Variants in LRP2 observed in about 807,000 individuals in gnomAD.
LRP2 encodes low-density lipoprotein receptor-related protein 2.
A neutral mutation model predicts 531.0 loss-of-function variants in LRP2; 172 were observed. The ratio of observed to expected loss-of-function variants is 0.32; its 90% CI spans 0.29 to 0.37. The LOEUF is 0.37. LRP2 is among the 10% of genes least tolerant of loss of function. LRP2 has a pLI of 1.00. For missense variants in LRP2, 5,167 were observed against 5,868.3 expected, an observed-to-expected ratio of 0.88 and a Z score of 3.90; for synonymous variants, 1,992 against 2,027.6, an observed-to-expected ratio of 0.98 and a Z score of 0.47.
chr2:169,171,422 T>C (rs192839488), intron 58 of LRP2, among the ~76,000 whole-genome samples: 21 of 152,344 alleles, frequency 1.4e-4, no homozygotes, highest in Admixed American at 1.3e-3. Context: ...CTCAGCCTCT[T>C]GGCTTCCTTT....
Position 169,225,195 on chromosome 2 carries a change from C to T in LRP2, c.5538+115G>A, listed in dbSNP as rs1689157543. On this transcript the variant is annotated intron_variant, in intron 33 of 78. Transcript: ENST00000649046. ...GATAGTTAACACTAATATCTTTTCC[C>T]TTTTTCTTTTTGCTTAAAAATGATT... is the stretch of plus-strand genomic sequence containing the variant. The T allele has an allele frequency of 4.5e-6, 5 of 1,108,106 alleles. No individual in the cohort carries two copies. The Admixed American group carries it at 5.7e-5, about 13-fold the overall frequency. The allele number at this position is 1,108,106 out of a possible 1,614,324, so 68.6% of individuals were successfully genotyped here. A position where few individuals can be genotyped will look rare whatever the true frequency, so the allele number is the denominator to read the frequency against.
rs191585774 is a variant in LRP2 at position 169,163,820 on chromosome 2, C to T, written c.11759-1220G>A. Among the ~76,000 whole-genome samples, 400 of 152,274 alleles carry T rather than the reference C, an allele frequency of 2.6e-3. 1 individual carries two copies. Among genetic ancestry groups the T allele is most frequent in the Non-Finnish European group, 4.5e-3 (305 of 68,024 alleles). On this transcript the variant is annotated intron_variant, in intron 62 of 78. Transcript: ENST00000649046. Reference sequence around the variant, plus strand: ...CCTAATGGTAGCATATTTCCCTTTCCCTCTTCATTTGCAGAGGAAAATAGA... The same window carrying T: ...CCTAATGGTAGCATATTTCCCTTTCTCTCTTCATTTGCAGAGGAAAATAGA...
At chr2:169,142,815 C>A in intron 70 of LRP2, 22 bp from the exon 71 acceptor site, 1 of 1,613,286 alleles carries the variant, frequency 6.2e-7, no homozygotes, top group Non-Finnish European at 8.5e-7. Flanking sequence ...GTGAGAACAG[C>A]AGTTAGGTCC....
At chr2:169,173,362 T>C in intron 56 of LRP2, 138 bp from the exon 57 acceptor site, 1 of 1,004,236 alleles carries the variant, frequency 1.0e-6, no homozygotes, top group Non-Finnish European at 1.5e-6. Context: ...ATGTGTCTGT[T>C]TTAGATGTGA....
At position 169,209,553 on chromosome 2, in the gene LRP2, C is replaced by T. The variant is rs777517562; in HGVS notation, c.6369G>A (p.Ala2123=). The change falls in exon 38 of 79, where the codon GCG becomes GCA. Residue 2123 remains alanine (A), a synonymous_variant. Coordinates refer to ENST00000649046, the MANE Select transcript of LRP2 (RefSeq NM_004525.3). ...ATCCATCTGGTTTAATTCTACGGAT[C>T]GCATTATCAGATGCCACTGAGCTGC... is the stretch of plus-strand genomic sequence containing the variant. ...DFSSSVASDN[A]IRRIKPDGSS... 7.4e-6 allele frequency: 12 copies of T among 1,613,936 alleles called. No individual in the cohort carries two copies. Among genetic ancestry groups the T allele is most frequent in the Admixed American group, 5.0e-5 (3 of 59,986 alleles).
At position 169,128,449 on chromosome 2, in the gene LRP2, T is replaced by G; in HGVS notation, c.*214A>C. ...TAGTATTACCTTCAGACAACTTCAGTGCAAAGATATACATATAGTACATTG... is the reference window on the plus strand; with the variant it reads ...TAGTATTACCTTCAGACAACTTCAGGGCAAAGATATACATATAGTACATTG... On this transcript the variant is annotated 3_prime_UTR_variant, in exon 79 of 79. Transcript: ENST00000649046. 2.0e-6 allele frequency: 1 copy of G among 507,242 alleles called. No homozygotes were observed. The highest frequency in any genetic ancestry group is 3.5e-6 in the Non-Finnish European group (1 of 283,662). 31.4% of individuals were successfully genotyped at this position (507,242 alleles called of 1,614,324 possible).
chr2:169,199,733 T>C (rs960492061), intron 44 of LRP2, among the ~76,000 whole-genome samples: 1 of 152,178 alleles, frequency 6.6e-6, no homozygotes, highest in Non-Finnish European at 1.5e-5. Flanking sequence ...TGGGACATAA[T>C]CTAAAAAGCA....
chr2:169,241,112 A>C lies in LRP2; in HGVS notation c.3921T>G (p.Thr1307=). Residue 1307 remains threonine (T), a synonymous_variant, in exon 25 of 79, where the codon ACT becomes ACG. Coordinates refer to ENST00000649046, the MANE Select transcript of LRP2 (RefSeq NM_004525.3). ...GDMSDEKDCP[T]QPFRCPSWQW... The stretch of plus-strand genomic sequence containing the variant: ...GCCAACTAGGACAGCGAAAGGGCTG[A>C]GTAGGGCAGTCCTTCTCATCACTCA... The C allele has an allele frequency of 6.2e-7, 1 of 1,614,016 alleles. No individual in the cohort carries two copies. The highest frequency in any genetic ancestry group is 8.5e-7 in the Non-Finnish European group (1 of 1,179,938).
chr2:169,176,265 C>A, intron 54 of LRP2, 146 bp downstream of exon 54: 1 of 841,298 alleles, frequency 1.2e-6, no homozygotes, highest in Non-Finnish European at 2.0e-6. Flanking sequence ...AAGTTGGAGG[C>A]TGAGAGTCTT....
chr2:169,158,842 A>G (rs1686457429), intron 63 of LRP2, among the ~76,000 whole-genome samples: 1 of 121,182 alleles, frequency 8.3e-6, no homozygotes, highest in African/African-American at 3.0e-5. Flanking sequence ...TTGAACTTTC[A>G]CAGTAAAAAA....
intron 68 of LRP2, among the ~76,000 whole-genome samples, chr2:169,149,959 G>A (rs1308504280): frequency 6.6e-6 from 1 of 152,054 alleles, no homozygotes; most frequent in African/African-American, 2.4e-5. Flanking sequence ...CGGCACACTG[G>A]AAACAGTCAC....
chr2:169,288,874 A>T, intron 9 of LRP2, 152 bp downstream of exon 9: 1 of 1,219,324 alleles, frequency 8.2e-7, no homozygotes, highest in Non-Finnish European at 1.2e-6. Context: ...AAAATTCCCT[A>T]TTTGCCAGGT....
At chr2:169,255,877 C>T (rs1014584498) in intron 19 of LRP2, among the ~76,000 whole-genome samples, 14 of 152,142 alleles carry the variant, frequency 9.2e-5, no homozygotes, top group Admixed American at 7.9e-4. Flanking sequence ...TACCCATATA[C>T]ACTGTCAACA....
At chr2:169,209,426 A>T (rs537221351) in intron 38 of LRP2, 27 bp downstream of exon 38, 1 of 1,607,806 alleles carries the variant, frequency 6.2e-7, no homozygotes, top group East Asian at 2.2e-5. Context: ...ATGCAAACAT[A>T]TTAAAATCAC....
At position 169,275,095 on chromosome 2, in the gene LRP2, T is replaced by C; in HGVS notation, c.1916A>G (p.Tyr639Cys). The part of the protein sequence containing the change: ...KFTETNPQVY[Y>C]QASLRPYGVT... Reference sequence around the variant, plus strand: ...TCCATAGGGCCTCAGGGAAGCCTGGTAGTACACTTGTGGGTTGGTCTCTGT... The same window carrying C: ...TCCATAGGGCCTCAGGGAAGCCTGGCAGTACACTTGTGGGTTGGTCTCTGT... The change falls in exon 14 of 79, where the codon TAC (tyrosine) becomes TGC (cysteine). Residue 639 changes from tyrosine (Y) to cysteine (C), a missense_variant. Transcript: ENST00000649046. 1 of 1,613,802 alleles carries C rather than the reference T, an allele frequency of 6.2e-7. No homozygotes were observed. The highest frequency in any genetic ancestry group is 8.5e-7 in the Non-Finnish European group (1 of 1,179,850).
intron 64 of LRP2, among the ~76,000 whole-genome samples, chr2:169,156,651 C>A (rs572136509): frequency 6.6e-6 from 1 of 152,290 alleles, no homozygotes; most frequent in South Asian, 2.1e-4. Context: ...CCCACAGTCC[C>A]AAAGCTGATA....
chr2:169,223,552 C>A (rs1467934140), intron 33 of LRP2, among the ~76,000 whole-genome samples: 1 of 152,078 alleles, frequency 6.6e-6, no homozygotes, highest in East Asian at 1.9e-4. Flanking sequence ...TAGTTGAAAT[C>A]ATGAAAAATA....
intron 76 of LRP2, among the ~76,000 whole-genome samples, chr2:169,134,627 C>A (rs560471415): frequency 6.6e-6 from 1 of 152,306 alleles, no homozygotes; most frequent in African/African-American, 2.4e-5. Flanking sequence ...CTCTGCCCCG[C>A]TCCACTACCT....
At chr2:169,215,859 A>G (rs1395692373) in intron 35 of LRP2, among the ~76,000 whole-genome samples, 1 of 150,104 alleles carries the variant, frequency 6.7e-6, no homozygotes, top group Non-Finnish European at 1.5e-5. Flanking sequence ...TTCTCTCCAT[A>G]TATATAGGTA....
Sources: allele counts gnomAD v4.1 joint callset (sites outside exome capture counted in the v4.1 genomes callset), GRCh38; gene constraint gnomAD v4.1.1; transcripts MANE v1.5; gene names NCBI Gene and HGNC (gene_info 2026-07-23, HGNC 2026-07-21).